ZNRF3: variants seen among roughly 807,000 people sequenced by gnomAD.
ZNRF3 encodes zinc and ring finger 3.
Under a neutral mutation model 72.5 loss-of-function variants are expected in ZNRF3, and 23 were observed. The observed-to-expected ratio is 0.32, with a 90% CI of 0.23 to 0.45. ZNRF3 has a LOEUF of 0.45. Among genes scored for constraint, ZNRF3 ranks in the 20% least tolerant of loss-of-function variants. The pLI is 1.00. For missense variants in ZNRF3, 1,169 were observed against 1,272.1 expected, an observed-to-expected ratio of 0.92 and a Z score of 1.23; for synonymous variants, 610 against 545.3, an observed-to-expected ratio of 1.12 and a Z score of -1.65.
intron 1 of ZNRF3, among the ~76,000 whole-genome samples, chr22:28,963,441 T>A (rs1164112336): frequency 6.6e-6 from 1 of 152,132 alleles, no homozygotes; most frequent in African/African-American, 2.4e-5. Context: ...CTGATTAAAA[T>A]ATTGCTGTTA....
intron 2 of ZNRF3, chr22:29,031,591 TAAGTG>T (rs2036758391): frequency 1.0e-6 from 1 of 985,518 alleles, no homozygotes; most frequent in East Asian, 1.1e-4. Context: ...TGGTCACTAC[TAAGTG>T]AAGAACTCGA....
chr22:29,011,498 G>A (rs1294557357), intron 2 of ZNRF3, among the ~76,000 whole-genome samples: 1 of 152,190 alleles, frequency 6.6e-6, no homozygotes, highest in Non-Finnish European at 1.5e-5. Context: ...GAGTATGAGA[G>A]AAATAATGCT....
chr22:28,899,994 G>A (rs2034074056), intron 1 of ZNRF3, among the ~76,000 whole-genome samples: 1 of 152,146 alleles, frequency 6.6e-6, no homozygotes, highest in South Asian at 2.1e-4. Context: ...AAGTTATATG[G>A]TGGGCCTTTC....
chr22:28,943,145 T>C (rs1160565068), intron 1 of ZNRF3, among the ~76,000 whole-genome samples: 1 of 152,240 alleles, frequency 6.6e-6, no homozygotes, highest in Non-Finnish European at 1.5e-5. Context: ...ACTGGGCAGC[T>C]GCTGCTGGTC....
intron 2 of ZNRF3, among the ~76,000 whole-genome samples, chr22:29,000,256 G>C (rs2036119653): frequency 6.6e-6 from 1 of 152,100 alleles, no homozygotes; most frequent in Non-Finnish European, 1.5e-5. Context: ...GAAGAACGTG[G>C]GCTATTTCTT....
At chr22:29,053,267 G>A (rs1480230272) in intron 8 of ZNRF3, among the ~76,000 whole-genome samples, 1 of 152,198 alleles carries the variant, frequency 6.6e-6, no homozygotes, top group Non-Finnish European at 1.5e-5. Flanking sequence ...ATCTCTGTGA[G>A]GGAGTCCTCT....
chr22:29,003,495 CAG>C (rs1235370696), intron 2 of ZNRF3, among the ~76,000 whole-genome samples: 1 of 143,140 alleles, frequency 7.0e-6, no homozygotes, highest in Non-Finnish European at 1.5e-5. Flanking sequence ...GTCTGGGTGA[CAG>C]AGCAAGACTC....
At chr22:29,043,705 C>A (rs1055739612) in intron 4 of ZNRF3, among the ~76,000 whole-genome samples, 1 of 152,154 alleles carries the variant, frequency 6.6e-6, no homozygotes, top group Admixed American at 6.5e-5. Context: ...CATCTCTCAT[C>A]CTTTCTTTTC....
At chr22:29,017,793 C>T (rs73882428) in intron 2 of ZNRF3, among the ~76,000 whole-genome samples, 2,377 of 152,210 alleles carry the variant, frequency 0.016, 66 homozygotes, top group African/African-American at 0.055. Flanking sequence ...ATCCGTCAAC[C>T]AGGATGAGTG....
intron 2 of ZNRF3, among the ~76,000 whole-genome samples, chr22:29,021,869 T>C (rs1412760441): frequency 6.6e-6 from 1 of 152,030 alleles, no homozygotes; most frequent in Non-Finnish European, 1.5e-5. Context: ...AGGTTTGACC[T>C]ATATGCACAC....
At chr22:29,011,387 A>G (rs1407631711) in intron 2 of ZNRF3, among the ~76,000 whole-genome samples, 6 of 152,146 alleles carry the variant, frequency 3.9e-5, no homozygotes, top group East Asian at 1.9e-4. Context: ...CACCAGCCCT[A>G]TGGTGTGAAT....
At chr22:28,967,565 A>T (rs1391484739) in intron 1 of ZNRF3, among the ~76,000 whole-genome samples, 1 of 152,176 alleles carries the variant, frequency 6.6e-6, no homozygotes, top group Non-Finnish European at 1.5e-5. Context: ...TTAGTTTTGG[A>T]AACTTGTTTT....
intron 1 of ZNRF3, among the ~76,000 whole-genome samples, chr22:28,933,326 C>T (rs1447039382): frequency 6.6e-6 from 1 of 152,108 alleles, no homozygotes; most frequent in Non-Finnish European, 1.5e-5. Context: ...TAATTCAAAG[C>T]AGTTTTAGGT....
chr22:28,931,885 C>T (rs1028539202), intron 1 of ZNRF3, among the ~76,000 whole-genome samples: 7 of 152,188 alleles, frequency 4.6e-5, no homozygotes. Flanking sequence ...TTTGGTCTTA[C>T]TCAGCTAAAC....
intron 2 of ZNRF3, among the ~76,000 whole-genome samples, chr22:28,990,022 C>T (rs1392675047): frequency 6.6e-6 from 1 of 152,254 alleles, no homozygotes; most frequent in Non-Finnish European, 1.5e-5. Context: ...CCCTCCTTCT[C>T]TTCTTTTCCA....
chr22:28,887,964 A>AC (rs539638271), intron 1 of ZNRF3, among the ~76,000 whole-genome samples: 1 of 149,716 alleles, frequency 6.7e-6, no homozygotes, highest in African/African-American at 2.4e-5. Flanking sequence ...GTCGAAATGC[A>AC]TTTTTTTTTT....
At chr22:29,042,695 GTGTCCATGTTTGGACATAATTCC>G in intron 3 of ZNRF3, 126 bp downstream of exon 3, 1 of 858,910 alleles carries the variant, frequency 1.2e-6, no homozygotes, top group South Asian at 1.6e-5. Context: ...CTGAAGTTAG[GTGTCCATGTTTGGACATAATTCC>G]CAAAGGAGGT....
intron 1 of ZNRF3, among the ~76,000 whole-genome samples, chr22:28,970,086 AC>A (rs1192992493): frequency 6.6e-6 from 1 of 152,230 alleles, no homozygotes; most frequent in Non-Finnish European, 1.5e-5. Flanking sequence ...AGCCCTTCTT[AC>A]CCGACTACAA....
intron 2 of ZNRF3, among the ~76,000 whole-genome samples, chr22:28,989,334 T>C (rs761617295): frequency 2.6e-5 from 4 of 152,174 alleles, no homozygotes; most frequent in Non-Finnish European, 4.4e-5. Flanking sequence ...GGAGGTGCGA[T>C]GAGTCAAGAT....
Sources: allele counts gnomAD v4.1 joint callset (sites outside exome capture counted in the v4.1 genomes callset), GRCh38; gene constraint gnomAD v4.1.1; transcripts MANE v1.5; gene names NCBI Gene and HGNC (gene_info 2026-07-23, HGNC 2026-07-21).